The following RIF1 variants were observed in gnomAD, a reference collection of about 807,000 sequenced individuals.
RIF1 encodes the protein telomere-associated protein RIF1.
RIF1 carries 45 observed loss-of-function variants against 247.1 expected under a neutral mutation model. That is an observed-to-expected ratio of 0.18 (90% CI 0.14 to 0.23). RIF1 has a LOEUF of 0.23. Ranked by LOEUF, RIF1 falls within the 10% of genes least tolerant of loss-of-function variation. The pLI, the probability that RIF1 is intolerant of heterozygous loss-of-function variation, is 1.00. For synonymous variants in RIF1, 1,087 were observed against 978.8 expected, an observed-to-expected ratio of 1.11 and a Z score of -2.06; for missense variants, 2,967 against 2,862.5, an observed-to-expected ratio of 1.04 and a Z score of -0.83.
chr2:151,433,308 T>C (rs1447247931), intron 10 of RIF1, 80 bp downstream of exon 10: 2 of 1,158,010 alleles, frequency 1.7e-6, no homozygotes, highest in African/African-American at 1.5e-5. Flanking sequence ...AATCCTGTGG[T>C]GTTATTTTTG....
At chr2:151,502,957 G>A in intron 11 of RIF1, 1 of 902,022 alleles carries the variant, frequency 1.1e-6, no homozygotes, top group Non-Finnish European at 1.7e-6. Context: ...AGGAAATGGG[G>A]GAAGGGGTTA....
At chr2:151,462,121 C>T (rs1288114073) in intron 27 of RIF1, 121 bp from the exon 28 acceptor site, 1 of 547,972 alleles carries the variant, frequency 1.8e-6, no homozygotes, top group Non-Finnish European at 3.0e-6. Context: ...AGCCCACCCA[C>T]CTCAACCTCC....
At chr2:151,533,966 A>C in the RIF1 span, among the ~76,000 whole-genome samples, 3 of 152,214 alleles carry the variant, frequency 2.0e-5, no homozygotes, top group African/African-American at 7.2e-5. Context: ...GGTTCTCCAG[A>C]AGAGTAAAGG....
the RIF1 span, chr2:151,514,180 AT>A: frequency 1.5e-6 from 1 of 652,956 alleles, no homozygotes; most frequent in African/African-American, 1.8e-5. Context: ...GTTAACAATT[AT>A]GTTGATATGG....
At chr2:151,460,882 G>A (rs556958714) in intron 26 of RIF1, among the ~76,000 whole-genome samples, 68 of 152,284 alleles carry the variant, frequency 4.5e-4, no homozygotes, top group African/African-American at 1.5e-3. Context: ...CTGACAGACG[G>A]TTTTGTCCAT....
chr2:151,529,351 T>G, the RIF1 span: 2 of 1,295,112 alleles, frequency 1.5e-6, no homozygotes, highest in Non-Finnish European at 1.1e-6. Flanking sequence ...TTAATTTTTT[T>G]ATAGCAGCAT....
Position 151,479,306 on chromosome 2 carries a change from GATTT to G in RIF1, c.*4240_*4243del, listed in dbSNP as rs757747653. 11 of 152,130 alleles carry G rather than the reference GATTT, an allele frequency of 7.2e-5. No homozygotes were observed. The highest frequency in any genetic ancestry group is 1.6e-4 in the Non-Finnish European group (11 of 68,022). 9.4% of individuals were successfully genotyped at this position (152,130 alleles called of 1,614,324 possible). A position where few individuals can be genotyped will look rare whatever the true frequency, so the allele number is the denominator to read the frequency against. ...TTAAGAGCCTTTTAAAAATATGGACGATTTATTTTTTAAGTAGGCAGACTAAGAA... is the reference window on the plus strand; with the variant it reads ...TTAAGAGCCTTTTAAAAATATGGACGATTTTTTAAGTAGGCAGACTAAGAA... On this transcript the variant is annotated 3_prime_UTR_variant, in exon 36 of 36. Transcript: ENST00000444746.
chr2:151,436,633 A>G (rs1339509144), intron 11 of RIF1, among the ~76,000 whole-genome samples, 194 bp from the exon 12 acceptor site: 1 of 148,896 alleles, frequency 6.7e-6, no homozygotes, highest in Non-Finnish European at 1.5e-5. Flanking sequence ...TGTCATATGT[A>G]TTATTTTGTT....
At chr2:151,419,047 G>A (rs966683808) in intron 6 of RIF1, among the ~76,000 whole-genome samples, 2 of 147,162 alleles carry the variant, frequency 1.4e-5, no homozygotes, top group Non-Finnish European at 3.0e-5. Context: ...GCCTCTGCAG[G>A]GTCAGGATCA....
intron 10 of RIF1, chr2:151,497,665 C>A: frequency 6.3e-7 from 1 of 1,585,756 alleles, no homozygotes; most frequent in African/African-American, 1.3e-5. Context: ...CTCTTTCCAT[C>A]TCGGGAGTGA....
Position 151,464,885 on chromosome 2 carries a change from G to C in RIF1, c.5365G>C (p.Asp1789His). 1.3e-6 allele frequency: 2 copies of C among 1,594,358 alleles called. No individual in the cohort carries two copies. Among genetic ancestry groups the C allele is most frequent in the Non-Finnish European group, 1.7e-6 (2 of 1,174,092 alleles). ...TCCATATTCTGAAGGACAATTTTTA[G>C]ATGAACATCATAGTGTGAATTTTCA... ...ANPYSEGQFL[D>H]EHHSVNFHLG... Residue 1789 changes from aspartate (D) to histidine (H), a missense_variant, in exon 30 of 36, where the codon GAT (aspartate) becomes CAT (histidine). Asp to His is a moderately conservative substitution (Grantham distance 81). Around this residue, in one of 7 missense-constraint regions of RIF1, gnomAD observed 2,028 missense variants for 1,825.6 expected, o/e 1.11. Coordinates refer to ENST00000444746, the MANE Select transcript of RIF1 (RefSeq NM_018151.5).
intron 8 of RIF1, 193 bp downstream of exon 8, chr2:151,423,235 A>T: frequency 2.0e-6 from 1 of 505,346 alleles, no homozygotes; most frequent in Non-Finnish European, 3.4e-6. Context: ...ATTTGTAGAC[A>T]CCCAAAGTGG....
intron 8 of RIF1, among the ~76,000 whole-genome samples, chr2:151,425,100 G>A (rs137890112): frequency 1.3e-5 from 2 of 152,028 alleles, no homozygotes; most frequent in African/African-American, 4.8e-5. Context: ...AGCCATCCTA[G>A]TGAATGTGAA....
In RIF1 at chr2:151,464,110, C is replaced by G; in HGVS notation, c.4590C>G (p.Val1530=). The part of the protein sequence containing the change: ...DIVDKSSEKL[V]RGRTRYQTRR... Reference sequence around the variant, plus strand: ...TAGATAAGTCCTCTGAGAAACTAGTCAGAGGCCGAACACGGTATCAAACTA... The same window carrying G: ...TAGATAAGTCCTCTGAGAAACTAGTGAGAGGCCGAACACGGTATCAAACTA... The change falls in exon 30 of 36, where the codon GTC becomes GTG. Residue 1530 remains valine, a synonymous_variant. Transcript: ENST00000444746. 2 of 1,612,562 alleles carry G rather than the reference C, an allele frequency of 1.2e-6. No homozygotes were observed. The highest frequency in any genetic ancestry group is 1.7e-6 in the Non-Finnish European group (2 of 1,179,686).
At chr2:151,425,364 C>G (rs1291357602) in intron 8 of RIF1, among the ~76,000 whole-genome samples, 1 of 151,984 alleles carries the variant, frequency 6.6e-6, no homozygotes, top group Non-Finnish European at 1.5e-5. Flanking sequence ...TTGGTAATAT[C>G]CATTGCAGAG....
chr2:151,494,798 A>G (rs1422501244), intron 9 of RIF1, among the ~76,000 whole-genome samples: 2 of 152,026 alleles, frequency 1.3e-5, no homozygotes, highest in Non-Finnish European at 2.9e-5. Flanking sequence ...ACAGGCGTGC[A>G]CCACCATGCC....
At chr2:151,411,152 T>TGG (rs1344437046) in intron 2 of RIF1, 108 bp from the exon 3 acceptor site, 2 of 697,000 alleles carry the variant, frequency 2.9e-6, no homozygotes, top group African/African-American at 3.6e-5. Context: ...GGTCAATTCA[T>TGG]TTGCAGGAGT....
At chr2:151,411,551 C>G (rs914783776) in intron 3 of RIF1, among the ~76,000 whole-genome samples, 1 of 151,994 alleles carries the variant, frequency 6.6e-6, no homozygotes, top group Non-Finnish European at 1.5e-5. Flanking sequence ...TATAGGCATC[C>G]GCCACCGCCC....
intron 31 of RIF1, 106 bp from the exon 32 acceptor site, chr2:151,468,368 G>GT (rs1553498168): frequency 3.9e-6 from 4 of 1,014,308 alleles, no homozygotes; most frequent in African/African-American, 1.6e-5. Flanking sequence ...CTCTTTTTAT[G>GT]TTTTTTGAAC....
Sources: gnomAD v4.1 joint callset for allele counts (sites outside exome capture counted in the v4.1 genomes callset) on GRCh38, gnomAD v4.1.1 for gene constraint, gnomAD v4.1.1 regional missense constraint, MANE v1.5 for transcripts, NCBI Gene and HGNC (gene_info 2026-07-23, HGNC 2026-07-21) for gene names.